The following HPSE2 variants were observed in gnomAD, a reference collection of about 807,000 sequenced individuals.
HPSE2 encodes inactive heparanase-2.
A neutral mutation model predicts 60.5 loss-of-function variants in HPSE2; 38 were observed. The observed-to-expected ratio is 0.63, with a 90% CI of 0.48 to 0.82. The LOEUF (loss-of-function observed/expected upper bound fraction) is 0.82, where lower values mean the gene tolerates loss of function less well. Among genes scored for constraint, HPSE2 ranks in the 40% least tolerant of loss-of-function variants. The pLI is 0.00. For synonymous variants in HPSE2, 295 were observed against 293.2 expected (o/e 1.01, Z -0.06); for missense variants, 713 against 740.4 (o/e 0.96, Z 0.43).
chr10:98,874,372 G>C (rs1462839452), intron 3 of HPSE2, among the ~76,000 whole-genome samples: 1 of 151,790 alleles, frequency 6.6e-6, no homozygotes, highest in Non-Finnish European at 1.5e-5. Flanking sequence ...TCCATCTTGA[G>C]TTAATTGTGA....
chr10:98,537,814 G>A (rs184552839), intron 9 of HPSE2, among the ~76,000 whole-genome samples: 45 of 152,312 alleles, frequency 3.0e-4, no homozygotes, highest in African/African-American at 1.1e-3. Flanking sequence ...GCAGTCATCC[G>A]GAGGCCTAAA....
intron 3 of HPSE2, among the ~76,000 whole-genome samples, chr10:99,034,699 AGGTGATTTT>A (rs767708632): frequency 3.7e-4 from 57 of 152,190 alleles, no homozygotes; most frequent in Non-Finnish European, 1.2e-4. Flanking sequence ...ATGCATAGTT[AGGTGATTTT>A]GTTGTGTAAA....
intron 2 of HPSE2, among the ~76,000 whole-genome samples, chr10:99,164,106 T>C (rs1030244226): frequency 1.7e-4 from 25 of 151,220 alleles, no homozygotes; most frequent in African/African-American, 4.9e-5. Context: ...GGATCTCACC[T>C]ACACCAATAA....
chr10:99,284,918 T>A, the HPSE2 span, among the ~76,000 whole-genome samples: 2 of 152,144 alleles, frequency 1.3e-5, no homozygotes, highest in Non-Finnish European at 2.9e-5. Flanking sequence ...GTCAAGAGTA[T>A]GAAAAAACAC....
intron 9 of HPSE2, among the ~76,000 whole-genome samples, chr10:98,550,354 T>G (rs1176264321): frequency 6.8e-6 from 1 of 147,452 alleles, no homozygotes; most frequent in Non-Finnish European, 1.5e-5. Flanking sequence ...GGCACAGTCA[T>G]AGTTCACTGC....
the HPSE2 span, among the ~76,000 whole-genome samples, chr10:99,268,954 G>A: frequency 5.9e-5 from 9 of 151,872 alleles, no homozygotes; most frequent in African/African-American, 1.5e-4. Flanking sequence ...TCAGGAGTTC[G>A]AGACCAGCCT....
At chr10:98,726,973 T>A (rs1949100945) in intron 4 of HPSE2, among the ~76,000 whole-genome samples, 1 of 152,164 alleles carries the variant, frequency 6.6e-6, no homozygotes, top group Admixed American at 6.6e-5. Context: ...GTGGAAGGCT[T>A]ACTGGCTCAC....
chr10:98,758,715 G>A (rs1469634358), intron 3 of HPSE2, among the ~76,000 whole-genome samples: 6 of 152,118 alleles, frequency 3.9e-5, no homozygotes, highest in Non-Finnish European at 5.9e-5. Flanking sequence ...GGAGAAAAAC[G>A]AATGCGTATA....
At position 99,141,542 on chromosome 10, in the gene HPSE2, C is replaced by T. The variant is rs185258346; in HGVS notation, c.610+2696G>A. On this transcript the variant is annotated intron_variant, in intron 3 of 11. Coordinates refer to ENST00000370552, the MANE Select transcript of HPSE2 (RefSeq NM_021828.5). ...TACAATGTAATAAGGAATACTTCAACGAAGTATATATATTAAATTGTATTA... is the reference window on the plus strand; with the variant it reads ...TACAATGTAATAAGGAATACTTCAATGAAGTATATATATTAAATTGTATTA... Among the ~76,000 whole-genome samples the T allele has an allele frequency of 1.8e-3, 277 of 152,212 alleles. 1 individual carries two copies. Among genetic ancestry groups the T allele is most frequent in the Non-Finnish European group, 3.0e-3 (204 of 68,020 alleles).
intron 2 of HPSE2, among the ~76,000 whole-genome samples, chr10:99,191,204 G>A (rs1325246310): frequency 6.6e-6 from 1 of 151,888 alleles, no homozygotes; most frequent in Non-Finnish European, 1.5e-5. Context: ...GGGGTAGTTC[G>A]CCACCCTGAA....
intron 2 of HPSE2, among the ~76,000 whole-genome samples, chr10:99,207,098 C>T (rs1402021210): frequency 6.6e-6 from 1 of 152,122 alleles, no homozygotes; most frequent in Non-Finnish European, 1.5e-5. Context: ...GACTACAAGG[C>T]ATTTTATCAT....
the HPSE2 span, among the ~76,000 whole-genome samples, chr10:99,246,392 A>G: frequency 6.6e-6 from 1 of 152,232 alleles, no homozygotes; most frequent in Non-Finnish European, 1.5e-5. Context: ...TCCATTTGAT[A>G]AGTGCTATAA....
chr10:98,985,706 A>G (rs1956325649), intron 3 of HPSE2, among the ~76,000 whole-genome samples: 1 of 152,220 alleles, frequency 6.6e-6, no homozygotes. Flanking sequence ...CAAATTGGAT[A>G]AAGAGTAAAC....
chr10:98,851,044 A>G lies in HPSE2; in HGVS notation c.611-106988T>C, dbSNP rs140864365. 1.7e-3 allele frequency among the ~76,000 whole-genome samples: 260 copies of G among 152,380 alleles called. 2 individuals are homozygous for G. The highest frequency in any genetic ancestry group is 5.8e-3 in the African/African-American group (242 of 41,596). On this transcript the variant is annotated intron_variant, in intron 3 of 11. Transcript: ENST00000370552. The stretch of plus-strand genomic sequence containing the variant: ...TCAAACCGAGTTGGCAATGCGAGTG[A>G]AACTAAACATCTGAAAACTAACAGT...
intron 9 of HPSE2, among the ~76,000 whole-genome samples, chr10:98,600,911 G>GTATATA (rs71007402): frequency 0.031 from 2,265 of 73,580 alleles, 84 homozygotes; most frequent in African/African-American, 0.078. Flanking sequence ...ATGTGTGTGT[G>GTATATA]TATATATATA....
intron 3 of HPSE2, among the ~76,000 whole-genome samples, chr10:98,811,873 C>G (rs1435620904): frequency 2.0e-5 from 3 of 152,094 alleles, no homozygotes; most frequent in African/African-American, 7.2e-5. Flanking sequence ...AGCATCAGAT[C>G]TTACACAAAT....
chr10:98,579,588 C>G lies in HPSE2; in HGVS notation c.1320+35316G>C, dbSNP rs111537862. On this transcript the variant is annotated intron_variant, in intron 9 of 11. Coordinates refer to ENST00000370552, the MANE Select transcript of HPSE2 (RefSeq NM_021828.5). ...ATCTTTCCCTCCACCACTTCTCCCC[C>G]CTTCCACTTCCTAATTCTGTCAGCT... is the stretch of plus-strand genomic sequence containing the variant. Among the ~76,000 whole-genome samples, 585 of 152,268 alleles carry G rather than the reference C, an allele frequency of 3.8e-3. 3 individuals carry two copies. Among genetic ancestry groups the G allele is most frequent in the African/African-American group, 0.014 (562 of 41,546 alleles).
intron 2 of HPSE2, among the ~76,000 whole-genome samples, chr10:99,153,031 G>A (rs1343335442): frequency 6.6e-6 from 1 of 152,230 alleles, no homozygotes; most frequent in East Asian, 1.9e-4. Flanking sequence ...TCCAAATATT[G>A]CGCATTTCGG....
chr10:98,950,204 A>G (rs1955313146), intron 3 of HPSE2, among the ~76,000 whole-genome samples: 1 of 152,170 alleles, frequency 6.6e-6, no homozygotes, highest in Non-Finnish European at 1.5e-5. Flanking sequence ...AGAAAGTCCT[A>G]GTAAGGTTAA....
Sources: gnomAD v4.1 joint callset for allele counts (sites outside exome capture counted in the v4.1 genomes callset) on GRCh38, gnomAD v4.1.1 for gene constraint, MANE v1.5 for transcripts, NCBI Gene and HGNC (gene_info 2026-07-23, HGNC 2026-07-21) for gene names.